Variants in ARHGEF9 observed in about 807,000 individuals in gnomAD.
ARHGEF9 encodes Cdc42 guanine nucleotide exchange factor 9.
ARHGEF9 carries 2 observed loss-of-function variants against 41.3 expected under a neutral mutation model. That is an observed-to-expected ratio of 0.05 (90% confidence interval 0.02 to 0.15). The LOEUF is 0.15. Among genes scored for constraint, ARHGEF9 ranks in the 10% least tolerant of loss-of-function variants. ARHGEF9 has a pLI of 1.00. For synonymous variants in ARHGEF9, 160 were observed against 154.4 expected, an observed-to-expected ratio of 1.04 and a Z score of -0.27; for missense variants, 225 against 424.7, an observed-to-expected ratio of 0.53 and a Z score of 4.13.
intron 5 of ARHGEF9, among the ~76,000 whole-genome samples, chrX:63,677,230 T>C (rs2050313644): frequency 8.9e-6 from 1 of 112,136 alleles, no homozygotes; most frequent in Non-Finnish European, 1.9e-5. Flanking sequence ...AAAGATTTTC[T>C]ACTTCCAGAC....
At chrX:63,758,471 C>G (rs2055973388) in intron 1 of ARHGEF9, among the ~76,000 whole-genome samples, 2 of 112,811 alleles carry the variant, frequency 1.8e-5, no homozygotes, top group African/African-American at 6.4e-5. Flanking sequence ...TTCAATAGCT[C>G]CTCGGCGCAT....
chrX:63,732,236 C>T (rs2054349192), intron 1 of ARHGEF9: 1 of 111,625 alleles, frequency 9.0e-6, no homozygotes, highest in Non-Finnish European at 1.9e-5. Context: ...CTTCTCATGA[C>T]ATCAGTTCTC....
chrX:63,675,279 CAT>C (rs1392606110), intron 5 of ARHGEF9, among the ~76,000 whole-genome samples: 9 of 112,191 alleles, frequency 8.0e-5, no homozygotes, highest in African/African-American at 2.9e-4. Flanking sequence ...GAGCCTCACA[CAT>C]GACACAGTAT....
At chrX:63,652,328 T>C (rs782345377) in intron 8 of ARHGEF9, among the ~76,000 whole-genome samples, 28 of 111,860 alleles carry the variant, frequency 2.5e-4, no homozygotes, top group Non-Finnish European at 4.1e-4. Context: ...AAGCGGCTGG[T>C]TGCTTCTTTA....
chrX:63,772,563 G>C (rs1289234555), intron 1 of ARHGEF9, among the ~76,000 whole-genome samples: 2 of 111,677 alleles, frequency 1.8e-5, no homozygotes, highest in African/African-American at 6.5e-5. Flanking sequence ...ACTTTTCAGA[G>C]GGCATTACTG....
At chrX:63,765,071 C>T (rs1242007857) in intron 1 of ARHGEF9, among the ~76,000 whole-genome samples, 21 of 111,635 alleles carry the variant, frequency 1.9e-4, no homozygotes, top group Non-Finnish European at 2.3e-4. Flanking sequence ...CCACCCCCAG[C>T]ATTCCAAATG....
chrX:63,635,675 C>T lies in ARHGEF9; in HGVS notation c.*2353G>A, dbSNP rs1326096869. 1.8e-5 allele frequency: 5 copies of T among 282,645 alleles called. No individual in the cohort carries two copies. Among genetic ancestry groups the T allele is most frequent in the South Asian group, 1.2e-4 (2 of 16,091 alleles). The allele number at this position is 282,645 out of a possible 1,213,427, so 23.3% of individuals were successfully genotyped here. A position where few individuals can be genotyped will look rare whatever the true frequency, so the allele number is the denominator to read the frequency against. On this transcript the variant is annotated 3_prime_UTR_variant, in exon 10 of 10. Transcript: ENST00000671741. ...CGGGTTGAGAAGTAATATCCCTGAT[C>T]CTGGAGCCCTGGGCAGAAGCCCCAA...
intron 1 of ARHGEF9, among the ~76,000 whole-genome samples, chrX:63,747,836 T>C (rs1202804751): frequency 8.9e-6 from 1 of 112,534 alleles, no homozygotes; most frequent in Non-Finnish European, 1.9e-5. Context: ...TATGTCCTGC[T>C]TTTTCAAAGA....
chrX:63,740,710 C>T (rs1163801341), intron 1 of ARHGEF9, among the ~76,000 whole-genome samples: 1 of 111,657 alleles, frequency 9.0e-6, no homozygotes, highest in Non-Finnish European at 1.9e-5. Context: ...CCTGGTATTC[C>T]CCAGCTACGT....
intron 2 of ARHGEF9, among the ~76,000 whole-genome samples, chrX:63,714,198 T>C (rs1556408713): frequency 9.0e-6 from 1 of 111,207 alleles, no homozygotes; most frequent in Non-Finnish European, 1.9e-5. Flanking sequence ...ACACATTCTG[T>C]TTATTCACAC....
chrX:63,764,853 G>A (rs1556450991), intron 1 of ARHGEF9, among the ~76,000 whole-genome samples: 1 of 111,555 alleles, frequency 9.0e-6, no homozygotes, highest in Non-Finnish European at 1.9e-5. Flanking sequence ...AATAGCTAAT[G>A]GATGCTGGGC....
chrX:63,766,868 C>T (rs1463087032), intron 1 of ARHGEF9: 4 of 342,217 alleles, frequency 1.2e-5, no homozygotes, highest in African/African-American at 5.4e-5. Context: ...TCATCCACTC[C>T]GACAAGATGA....
chrX:63,661,485 AT>A (rs1455295988), intron 7 of ARHGEF9, among the ~76,000 whole-genome samples: 4 of 112,248 alleles, frequency 3.6e-5, no homozygotes, highest in Admixed American at 1.9e-4. Flanking sequence ...AATTTCCCAA[AT>A]AATTATATCA....
chrX:63,682,445 G>A (rs2050708226), intron 4 of ARHGEF9, among the ~76,000 whole-genome samples: 1 of 109,919 alleles, frequency 9.1e-6, no homozygotes, highest in African/African-American at 3.3e-5. Context: ...AACCCAGGAG[G>A]TGGAGCTTGC....
chrX:63,707,388 T>C (rs1335348047), intron 2 of ARHGEF9: 1 of 105,790 alleles, frequency 9.5e-6, no homozygotes, highest in Non-Finnish European at 1.9e-5. Context: ...AAAAAAACCT[T>C]TGGGACGGCC....
In ARHGEF9 at chrX:63,742,207, A is replaced by G. The variant is rs139809282; in HGVS notation, c.31-17496T>C. On this transcript the variant is annotated intron_variant, in intron 1 of 9. Transcript: ENST00000671741. Reference sequence around the variant, plus strand: ...AAGGTAAATTAGCCATTGGCTGACTAGAGAGAATAGGCAAAGATCACGGAC... The same window carrying G: ...AAGGTAAATTAGCCATTGGCTGACTGGAGAGAATAGGCAAAGATCACGGAC... Among the ~76,000 whole-genome samples, 1,065 of 112,046 alleles carry G rather than the reference A, an allele frequency of 9.5e-3. 14 individuals are homozygous for G. The highest frequency in any genetic ancestry group is 0.043 in the Admixed American group (458 of 10,612).
At chrX:63,708,757 G>A (rs782360420) in intron 2 of ARHGEF9, among the ~76,000 whole-genome samples, 34 of 112,231 alleles carry the variant, frequency 3.0e-4, no homozygotes, top group Non-Finnish European at 4.1e-4. Flanking sequence ...TCTATGCCAA[G>A]TGTGGATAAT....
At position 63,635,675 on chromosome X, in the gene ARHGEF9, C is replaced by G; in HGVS notation, c.*2353G>C. 3.5e-6 allele frequency: 1 copy of G among 284,459 alleles called. No individual in the cohort carries two copies. Among genetic ancestry groups the G allele is most frequent in the Non-Finnish European group, 6.0e-6 (1 of 165,916 alleles). The allele number at this position is 284,459 out of a possible 1,213,427, so 23.4% of individuals were successfully genotyped here. On this transcript the variant is annotated 3_prime_UTR_variant, in exon 10 of 10. Transcript: ENST00000671741. ...CGGGTTGAGAAGTAATATCCCTGAT[C>G]CTGGAGCCCTGGGCAGAAGCCCCAA...
chrX:63,644,964 G>A (rs1226084423), intron 8 of ARHGEF9, among the ~76,000 whole-genome samples: 2 of 108,243 alleles, frequency 1.8e-5, no homozygotes, highest in Admixed American at 1.0e-4. Flanking sequence ...TTGTAGACAC[G>A]AGGTCTCCCT....
Sources: gnomAD v4.1 joint callset for allele counts (sites outside exome capture counted in the v4.1 genomes callset) on GRCh38, gnomAD v4.1.1 for gene constraint, MANE v1.5 for transcripts, NCBI Gene and HGNC (gene_info 2026-07-23, HGNC 2026-07-21) for gene names.